Variants in MANBAL observed in about 807,000 individuals in gnomAD.
MANBAL encodes the protein mannosidase beta like, also known as protein MANBAL.
Under a neutral mutation model 6.4 loss-of-function variants are expected in MANBAL, and 1 was observed. That is an observed-to-expected ratio of 0.16 (90% confidence interval 0.06 to 0.74). The LOEUF is 0.74. MANBAL is among the 30% of genes least tolerant of loss of function. The pLI is 0.78. For synonymous variants in MANBAL, 47 were observed against 45.8 expected, an observed-to-expected ratio of 1.03 and a Z score of -0.10; for missense variants, 100 against 107.8, an observed-to-expected ratio of 0.93 and a Z score of 0.32.
intron 2 of MANBAL, among the ~76,000 whole-genome samples, chr20:37,314,335 C>T (rs547811161): frequency 6.6e-6 from 1 of 152,110 alleles, no homozygotes; most frequent in Non-Finnish European, 1.5e-5. Flanking sequence ...GATTGTCTGG[C>T]AGACAGCTGG....
intron 2 of MANBAL, chr20:37,302,188 C>T (rs1417290403): frequency 1.3e-6 from 2 of 1,528,132 alleles, no homozygotes; most frequent in African/African-American, 2.8e-5. Context: ...GGTCGTTTGT[C>T]ATGTGGGATA....
chr20:37,294,346 A>T (rs1390829720), intron 1 of MANBAL, among the ~76,000 whole-genome samples: 1 of 152,182 alleles, frequency 6.6e-6, no homozygotes, highest in Non-Finnish European at 1.5e-5. Context: ...GTGTCTTTTG[A>T]CTGTTAAAGT....
At chr20:37,299,000 G>A (rs1287756899) in intron 1 of MANBAL, 3 of 150,856 alleles carry the variant, frequency 2.0e-5, no homozygotes, top group African/African-American at 7.3e-5. Context: ...GCCTGTCAAA[G>A]TGTTGGGCTT....
At chr20:37,295,981 T>A (rs80055614) in intron 1 of MANBAL, among the ~76,000 whole-genome samples, 2,223 of 152,326 alleles carry the variant, frequency 0.015, 25 homozygotes, top group Middle Eastern at 0.048. Context: ...GAGAACTAGA[T>A]GAGAGCCGTA....
intron 1 of MANBAL, among the ~76,000 whole-genome samples, chr20:37,297,769 A>G (rs189537715): frequency 2.6e-5 from 4 of 151,940 alleles, no homozygotes; most frequent in African/African-American, 7.2e-5. Context: ...CAGCCTCCCA[A>G]GTAGCTGGGA....
At chr20:37,309,698 G>A (rs766341365) in intron 2 of MANBAL, among the ~76,000 whole-genome samples, 4 of 152,146 alleles carry the variant, frequency 2.6e-5, no homozygotes, top group Non-Finnish European at 5.9e-5. Flanking sequence ...CATTCCTGTG[G>A]TGCAGTAGGA....
intron 1 of MANBAL, among the ~76,000 whole-genome samples, chr20:37,296,082 T>G (rs1223150995): frequency 6.6e-6 from 1 of 152,220 alleles, no homozygotes; most frequent in Non-Finnish European, 1.5e-5. Flanking sequence ...TAGGGAACCT[T>G]TGGCCACATG....
At chr20:37,297,466 G>A (rs540439831) in intron 1 of MANBAL, 1 of 152,290 alleles carries the variant, frequency 6.6e-6, no homozygotes, top group Admixed American at 6.5e-5. Flanking sequence ...TGTGAAAAGT[G>A]GCCATCCTGT....
intron 2 of MANBAL, among the ~76,000 whole-genome samples, chr20:37,313,953 G>C (rs2069447307): frequency 6.6e-6 from 1 of 152,358 alleles, no homozygotes; most frequent in East Asian, 1.9e-4. Context: ...AGGAGCCCAT[G>C]TGAGGCTGGA....
chr20:37,305,743 A>G (rs1217667178), intron 2 of MANBAL, among the ~76,000 whole-genome samples: 1 of 150,504 alleles, frequency 6.6e-6, no homozygotes, highest in Non-Finnish European at 1.5e-5. Context: ...CTGTTGATCT[A>G]ACTTTTTACT....
chr20:37,315,652 T>G (rs2069495118), intron 2 of MANBAL, among the ~76,000 whole-genome samples: 1 of 152,232 alleles, frequency 6.6e-6, no homozygotes, highest in South Asian at 2.1e-4. Flanking sequence ...AGTCTGGAAT[T>G]CTGCCCCGAG....
chr20:37,294,333 A>C (rs946818676), intron 1 of MANBAL, among the ~76,000 whole-genome samples: 16 of 152,212 alleles, frequency 1.1e-4, no homozygotes, highest in African/African-American at 3.9e-4. Flanking sequence ...CCCTGGTGCA[A>C]ATGTGTCTTT....
At chr20:37,295,989 G>T (rs1004785366) in intron 1 of MANBAL, among the ~76,000 whole-genome samples, 1 of 152,256 alleles carries the variant, frequency 6.6e-6, no homozygotes, top group African/African-American at 2.4e-5. Flanking sequence ...GATGAGAGCC[G>T]TACGGCGCAC....
At chr20:37,302,259 C>G (rs1452923436) in intron 2 of MANBAL, 1 of 1,550,526 alleles carries the variant, frequency 6.4e-7, no homozygotes, top group South Asian at 1.2e-5. Context: ...TTTCTCTGTT[C>G]CCTGTGTTTC....
At chr20:37,311,006 G>GC (rs962583024) in intron 2 of MANBAL, among the ~76,000 whole-genome samples, 14 of 151,882 alleles carry the variant, frequency 9.2e-5, no homozygotes, top group Admixed American at 3.9e-4. Context: ...GGACCCCAGG[G>GC]CCCAGGTCAT....
chr20:37,311,906 C>T (rs899776806), intron 2 of MANBAL, among the ~76,000 whole-genome samples: 4 of 152,174 alleles, frequency 2.6e-5, no homozygotes, highest in South Asian at 2.1e-4. Context: ...CCAGTGGGGC[C>T]GGCAGGGGAC....
chr20:37,306,117 GGA>G lies in MANBAL; in HGVS notation c.150+4708_150+4709del, dbSNP rs564197126. ...TGGAAGTGGAGGGTGGCAGGAGGTAGGAGAGGGGGCAGAAGTGAGGGTGGGAG... is the reference window on the plus strand; with the variant it reads ...TGGAAGTGGAGGGTGGCAGGAGGTAGGAGGGGGCAGAAGTGAGGGTGGGAG... On this transcript the variant is annotated intron_variant, in intron 2 of 2. Coordinates refer to ENST00000373606, the MANE Select transcript of MANBAL (RefSeq NM_001003897.2). 3.0e-3 allele frequency among the ~76,000 whole-genome samples: 458 copies of G among 152,256 alleles called. 11 individuals are homozygous for G. The highest frequency in any genetic ancestry group is 0.016 in the Admixed American group (239 of 15,292).
Position 37,301,338 on chromosome 20 carries a change from A to T in MANBAL, c.75A>T (p.Gly25=). ...PTFLENLLRY[G]LFLGAIFQLI... ...TCCTGGAGAACCTGCTACGGTACGG[A>T]CTCTTCCTGGGAGCCATCTTCCAGC... Residue 25 remains glycine (G), a synonymous_variant, in exon 2 of 3, where the codon GGA becomes GGT. Transcript: ENST00000373606. 1 of 1,613,170 alleles carries T rather than the reference A, an allele frequency of 6.2e-7. No homozygotes were observed. Among genetic ancestry groups the T allele is most frequent in the Non-Finnish European group, 8.5e-7 (1 of 1,179,616 alleles).
intron 1 of MANBAL, among the ~76,000 whole-genome samples, chr20:37,293,163 T>C (rs1336340805): frequency 6.6e-6 from 1 of 152,130 alleles, no homozygotes; most frequent in Non-Finnish European, 1.5e-5. Context: ...GGGATGGTTT[T>C]GGGATGATTC....
Sources: gnomAD v4.1 joint callset for allele counts (sites outside exome capture counted in the v4.1 genomes callset) on GRCh38, gnomAD v4.1.1 for gene constraint, MANE v1.5 for transcripts, NCBI Gene and HGNC (gene_info 2026-07-23, HGNC 2026-07-21) for gene names.